The following EBF3 variants were observed in gnomAD, a reference collection of about 807,000 sequenced individuals.
EBF3 encodes the protein transcription factor COE3.
A neutral mutation model predicts 77.1 loss-of-function variants in EBF3; 18 were observed. The observed-to-expected ratio is 0.23, with a 90% CI of 0.16 to 0.35. EBF3 has a LOEUF of 0.35. Ranked by LOEUF, EBF3 falls within the 10% of genes least tolerant of loss-of-function variation. EBF3 has a pLI of 1.00. For synonymous variants in EBF3, 350 were observed against 343.5 expected (o/e 1.02, Z -0.21); for missense variants, 558 against 860.0 (o/e 0.65, Z 4.39).
intron 6 of EBF3, among the ~76,000 whole-genome samples, chr10:129,906,521 G>A (rs1430561778): frequency 2.0e-5 from 3 of 152,186 alleles, no homozygotes; most frequent in African/African-American, 7.2e-5. Context: ...TCTTCTGGGT[G>A]CTGTCACACC....
chr10:129,958,747 CG>C (rs1157471942), intron 5 of EBF3, among the ~76,000 whole-genome samples, 186 bp downstream of exon 5: 2 of 152,184 alleles, frequency 1.3e-5, no homozygotes, highest in African/African-American at 2.4e-5. Flanking sequence ...TCGCGTTGAT[CG>C]TCAGCGCTGG....
chr10:129,929,717 A>T (rs1856883343), intron 6 of EBF3, among the ~76,000 whole-genome samples: 1 of 152,224 alleles, frequency 6.6e-6, no homozygotes, highest in African/African-American at 2.4e-5. Context: ...CCATGGTGCC[A>T]TCAAGGTGGC....
intron 6 of EBF3, among the ~76,000 whole-genome samples, chr10:129,932,248 C>T (rs1180439980): frequency 1.3e-5 from 2 of 152,216 alleles, no homozygotes; most frequent in Non-Finnish European, 2.9e-5. Context: ...AATGCTAAGA[C>T]AGAGGCCTTC....
chr10:129,898,545 G>C (rs1033340145), intron 6 of EBF3, among the ~76,000 whole-genome samples: 1 of 152,188 alleles, frequency 6.6e-6, no homozygotes, highest in African/African-American at 2.4e-5. Flanking sequence ...TGGCTCACAA[G>C]CACGGTTTGC....
rs936630600 is a variant in EBF3 at position 129,875,195 on chromosome 10, T to C, written c.637-1599A>G. On this transcript the variant is annotated intron_variant, in intron 7 of 16. Transcript: ENST00000440978. ...GCAAGTGATGGCTTCTTCTTTTTTT[T>C]TTTTTTTTTTTTTTTTTTTGAGATG... Among the ~76,000 whole-genome samples the C allele has an allele frequency of 9.2e-3, 1,095 of 118,938 alleles. 32 individuals carry two copies. Among genetic ancestry groups the C allele is most frequent in the African/African-American group, 0.031 (1,038 of 34,030 alleles). 78.0% of individuals were successfully genotyped at this position (118,938 alleles called of 152,430 possible).
chr10:129,941,370 G>T (rs1351215460), intron 6 of EBF3, among the ~76,000 whole-genome samples: 4 of 152,242 alleles, frequency 2.6e-5, no homozygotes, highest in Admixed American at 2.0e-4. Flanking sequence ...ACAAATGTCT[G>T]TTCTGCCCCG....
In EBF3 at chr10:129,892,455, G is replaced by A. The variant is rs143197756; in HGVS notation, c.555-14606C>T. On this transcript the variant is annotated intron_variant, in intron 6 of 16. Coordinates refer to ENST00000440978, the MANE Select transcript of EBF3 (RefSeq NM_001375380.1). Reference sequence around the variant, plus strand: ...ACTTATTTGGGGATTTTGGTGCCACGGATGCCGGACACCTGTGAGGTGAGC... The same window carrying A: ...ACTTATTTGGGGATTTTGGTGCCACAGATGCCGGACACCTGTGAGGTGAGC... 6.8e-4 allele frequency among the ~76,000 whole-genome samples: 103 copies of A among 152,336 alleles called. 1 individual carries two copies. The East Asian group carries it at 0.018, about 26-fold the overall frequency.
intron 6 of EBF3, among the ~76,000 whole-genome samples, chr10:129,941,522 G>A (rs1857734943): frequency 6.6e-6 from 1 of 151,370 alleles, no homozygotes; most frequent in Admixed American, 6.6e-5. Context: ...TGAGCACTGG[G>A]CACTGGGAGA....
At chr10:129,908,579 A>G (rs1855302149) in intron 6 of EBF3, among the ~76,000 whole-genome samples, 1 of 151,922 alleles carries the variant, frequency 6.6e-6, no homozygotes, top group Non-Finnish European at 1.5e-5. Flanking sequence ...ACACAAACCA[A>G]CTCCTCCAAG....
intron 11 of EBF3, chr10:129,845,371 T>TC (rs1850378681): frequency 1.3e-5 from 2 of 152,248 alleles, no homozygotes; most frequent in African/African-American, 4.8e-5. Context: ...ATAACAGACT[T>TC]CAAGTTAAAT....
rs12219745 is a variant in EBF3, at chr10:129,881,741, G to C, written c.555-3892C>G. Among the ~76,000 whole-genome samples, 278 of 152,280 alleles carry C rather than the reference G, an allele frequency of 1.8e-3. 3 individuals carry two copies. The East Asian group carries it at 0.047, about 26-fold the overall frequency. Reference sequence around the variant, plus strand: ...GGGTCCTGTGAAGATGGACCAAGGGGCACAGTCGGGCCCTGTGCCGGGGAG... The same window carrying C: ...GGGTCCTGTGAAGATGGACCAAGGGCCACAGTCGGGCCCTGTGCCGGGGAG... On this transcript the variant is annotated intron_variant, in intron 6 of 16. Coordinates refer to ENST00000440978, the MANE Select transcript of EBF3 (RefSeq NM_001375380.1).
chr10:129,842,997 A>G lies in EBF3; in HGVS notation c.1194+140T>C. On this transcript the variant is annotated intron_variant, in intron 12 of 16. Transcript: ENST00000440978. The surrounding 1 kb of genome is among the most constrained non-coding windows in gnomAD (Gnocchi z 4.4). Reference sequence around the variant, plus strand: ...ACCTAGCGTGAGGGCAAGGATGGGAAGCCATTCTCACATCAGACTCCTGTG... The same window carrying G: ...ACCTAGCGTGAGGGCAAGGATGGGAGGCCATTCTCACATCAGACTCCTGTG... The G allele has an allele frequency of 1.3e-6, 1 of 756,790 alleles. No individual in the cohort carries two copies. The highest frequency in any genetic ancestry group is 2.1e-6 in the Non-Finnish European group (1 of 468,514). The allele number at this position is 756,790 out of a possible 1,614,324, so 46.9% of individuals were successfully genotyped here. A position where few individuals can be genotyped will look rare whatever the true frequency, so the allele number is the denominator to read the frequency against.
intron 6 of EBF3, among the ~76,000 whole-genome samples, chr10:129,889,853 C>T (rs1853885868): frequency 6.8e-6 from 1 of 148,124 alleles, no homozygotes; most frequent in African/African-American, 2.5e-5. Context: ...CATGCAGAGG[C>T]AGCCCCCGAC....
rs759193732 is a variant in EBF3 at position 129,963,562 on chromosome 10, G to A, written c.135-39C>T. ...GAGACAGCGGCCCGGTGAGGAGCGC[G>A]GCGCCGGCCGGCGGAGGGGGCCGGG... On this transcript the variant is annotated intron_variant, in intron 1 of 16. Coordinates refer to ENST00000440978, the MANE Select transcript of EBF3 (RefSeq NM_001375380.1). This position sits in a 1 kb window ranked among gnomAD's most constrained non-coding sequence, Gnocchi z 7.1. The A allele has an allele frequency of 3.0e-6, 4 of 1,314,472 alleles. No individual in the cohort carries two copies. The highest frequency in any genetic ancestry group is 3.9e-6 in the Non-Finnish European group (4 of 1,024,432). The allele number at this position is 1,314,472 out of a possible 1,614,324, so 81.4% of individuals were successfully genotyped here.
At chr10:129,882,746 C>T (rs1346611841) in intron 6 of EBF3, among the ~76,000 whole-genome samples, 2 of 152,240 alleles carry the variant, frequency 1.3e-5, no homozygotes, top group East Asian at 3.8e-4. Context: ...CATCCCTACC[C>T]TCATGTTTCC....
At position 129,867,693 on chromosome 10, in the gene EBF3, G is replaced by A. The variant is rs572914816; in HGVS notation, c.912+89C>T. 71 of 1,568,170 alleles carry A rather than the reference G, an allele frequency of 4.5e-5. No individual in the cohort carries two copies. In the Admixed American group the frequency reaches 6.4e-4, roughly 14 times the overall value. On this transcript the variant is annotated intron_variant, in intron 9 of 16. Coordinates refer to ENST00000440978, the MANE Select transcript of EBF3 (RefSeq NM_001375380.1). ...TGTTAAAAGGGGAATTTGCCATAGG[G>A]CACCTTGTGTCAATACACTATTGAC... is the stretch of plus-strand genomic sequence containing the variant.
Position 129,857,634 on chromosome 10 carries a change from G to A in EBF3, c.1040-9154C>T, listed in dbSNP as rs2134020966. ...CCGCTTCATTCCCGCAAGACCTCAA[G>A]TCAGTGTGATAGCAAATGTGGCTTC... On this transcript the variant is annotated intron_variant, in intron 10 of 16. Coordinates refer to ENST00000440978, the MANE Select transcript of EBF3 (RefSeq NM_001375380.1). Among the ~76,000 whole-genome samples, 2 of 152,308 alleles carry A rather than the reference G, an allele frequency of 1.3e-5. 1 individual carries two copies. The highest frequency in any genetic ancestry group is 4.8e-5 in the African/African-American group (2 of 41,572).
intron 6 of EBF3, among the ~76,000 whole-genome samples, chr10:129,932,582 A>G (rs1857096105): frequency 6.6e-6 from 1 of 152,212 alleles, no homozygotes; most frequent in Non-Finnish European, 1.5e-5. Flanking sequence ...CAGGATGGTG[A>G]GCAGGGCAGG....
At chr10:129,957,837 C>CT (rs1394090901) in intron 5 of EBF3, among the ~76,000 whole-genome samples, 1 of 152,206 alleles carries the variant, frequency 6.6e-6, no homozygotes, top group East Asian at 1.9e-4. Flanking sequence ...TACCTTAACT[C>CT]TGTTATTGAA....
Sources: allele counts gnomAD v4.1 joint callset (sites outside exome capture counted in the v4.1 genomes callset), GRCh38; gene constraint gnomAD v4.1.1; non-coding constraint Gnocchi (gnomAD v3.1); transcripts MANE v1.5; gene names NCBI Gene and HGNC (gene_info 2026-07-23, HGNC 2026-07-21).